CLASP1: variants seen among roughly 807,000 people sequenced by gnomAD.
The protein encoded by CLASP1 is cytoplasmic linker associated protein 1.
Under a neutral mutation model 192.3 loss-of-function variants are expected in CLASP1, and 38 were observed. That is an observed-to-expected ratio of 0.20 (90% CI 0.15 to 0.26). CLASP1 has a LOEUF of 0.26. Ranked by LOEUF, CLASP1 falls within the 10% of genes least tolerant of loss-of-function variation. The pLI is 1.00. For synonymous variants in CLASP1, 691 were observed against 712.8 expected (o/e 0.97, Z 0.49); for missense variants, 1,433 against 1,932.5 (o/e 0.74, Z 4.85).
chr2:121,465,298 A>T (rs1013489703), intron 9 of CLASP1, among the ~76,000 whole-genome samples: 11 of 152,242 alleles, frequency 7.2e-5, no homozygotes, highest in Non-Finnish European at 1.6e-4. Flanking sequence ...AATCTCCTCA[A>T]GCTGATAAGC....
At chr2:121,610,990 G>T (rs1473414517) in intron 1 of CLASP1, among the ~76,000 whole-genome samples, 1 of 148,356 alleles carries the variant, frequency 6.7e-6, no homozygotes. Context: ...AGAGGAACTG[G>T]AGGAGGAGGA....
chr2:121,543,220 T>G (rs2095267636), intron 2 of CLASP1, among the ~76,000 whole-genome samples: 1 of 152,110 alleles, frequency 6.6e-6, no homozygotes, highest in Admixed American at 6.5e-5. Context: ...AAGGGGGCCA[T>G]GGAAACTTGG....
chr2:121,404,780 A>T (rs1247113961), intron 25 of CLASP1, among the ~76,000 whole-genome samples: 1 of 152,246 alleles, frequency 6.6e-6, no homozygotes, highest in Non-Finnish European at 1.5e-5. Flanking sequence ...ACTAAGACTG[A>T]GTGATTTACT....
intron 1 of CLASP1, among the ~76,000 whole-genome samples, chr2:121,640,544 G>A (rs540024840): frequency 3.9e-5 from 6 of 152,224 alleles, no homozygotes; most frequent in African/African-American, 1.2e-4. Context: ...TCTAATCCTC[G>A]TGGAAACCCT....
chr2:121,510,576 G>A (rs936721315), intron 7 of CLASP1, among the ~76,000 whole-genome samples: 4 of 152,032 alleles, frequency 2.6e-5, no homozygotes, highest in Non-Finnish European at 5.9e-5. Context: ...TTTAATTAGT[G>A]ATTCAAAAAA....
chr2:121,357,577 C>T (rs1573724357), intron 37 of CLASP1, among the ~76,000 whole-genome samples: 1 of 152,150 alleles, frequency 6.6e-6, no homozygotes, highest in Non-Finnish European at 1.5e-5. Flanking sequence ...TCTGAAGCTA[C>T]AAGAACTAAA....
chr2:121,534,853 G>A (rs530977489), intron 2 of CLASP1, among the ~76,000 whole-genome samples: 1 of 152,230 alleles, frequency 6.6e-6, no homozygotes, highest in African/African-American at 2.4e-5. Flanking sequence ...TTTTCAAAGA[G>A]AACATCTGAA....
intron 8 of CLASP1, among the ~76,000 whole-genome samples, chr2:121,479,005 A>C (rs867658193): frequency 9.9e-4 from 48 of 48,314 alleles, no homozygotes; most frequent in South Asian, 1.5e-3. Flanking sequence ...CACACACACC[A>C]CACACACACA....
intron 28 of CLASP1, 68 bp downstream of exon 29, chr2:121,401,441 G>A (rs2076144502): frequency 2.3e-6 from 3 of 1,299,160 alleles, no homozygotes; most frequent in Middle Eastern, 3.8e-4. Context: ...GGTAACAAAA[G>A]AGAATGGCAA....
At chr2:121,500,050 T>C (rs2093680771) in intron 8 of CLASP1, among the ~76,000 whole-genome samples, 1 of 152,062 alleles carries the variant, frequency 6.6e-6, no homozygotes, top group Non-Finnish European at 1.5e-5. Flanking sequence ...ACTGTTCCTA[T>C]TTGCAGATGA....
chr2:121,402,012 A>C, intron 26 of CLASP1, 142 bp from the exon 28 acceptor site: 1 of 436,716 alleles, frequency 2.3e-6, no homozygotes, highest in Middle Eastern at 3.5e-4. Context: ...CTCCTCCATC[A>C]ATGTAAGTCT....
chr2:121,348,748 G>A lies in CLASP1; in HGVS notation c.4207-30C>T, dbSNP rs761224687. 14 of 1,541,356 alleles carry A rather than the reference G, an allele frequency of 9.1e-6. No homozygotes were observed. The East Asian group carries it at 2.8e-4, about 30-fold the overall frequency. On this transcript the variant is annotated intron_variant, in intron 37 of 39. Coordinates refer to ENST00000263710, the Ensembl canonical transcript of CLASP1. ...AACACCCAGTTCCCCCAAAGAGTGA[G>A]CTCCACATGCCACATGAAGCGAAAG...
chr2:121,340,521 T>G (rs549585359), exon 40 of CLASP1: 2 of 214,648 alleles, frequency 9.3e-6, no homozygotes, highest in South Asian at 2.6e-4. Context: ...AAATGCTACT[T>G]TCTACCAAGT....
chr2:121,649,116 G>C (rs1348697622), intron 1 of CLASP1, among the ~76,000 whole-genome samples: 2 of 152,160 alleles, frequency 1.3e-5, no homozygotes, highest in Non-Finnish European at 2.9e-5. Context: ...AAGCCCGACT[G>C]ACCCCAGGGC....
At chr2:121,629,396 AT>A (rs1186177242) in intron 1 of CLASP1, among the ~76,000 whole-genome samples, 9 of 152,082 alleles carry the variant, frequency 5.9e-5, no homozygotes, top group African/African-American at 1.7e-4. Flanking sequence ...TCTCAAAAAA[AT>A]ATATAAAAAA....
At chr2:121,643,375 A>G (rs1229796173) in intron 1 of CLASP1, among the ~76,000 whole-genome samples, 1 of 152,232 alleles carries the variant, frequency 6.6e-6, no homozygotes, top group East Asian at 1.9e-4. Flanking sequence ...TGATGTAGCT[A>G]GGAAACAGCA....
At chr2:121,550,953 C>T (rs1169721264) in intron 2 of CLASP1, among the ~76,000 whole-genome samples, 5 of 152,120 alleles carry the variant, frequency 3.3e-5, no homozygotes, top group East Asian at 3.8e-4. Flanking sequence ...TGATGAGCAT[C>T]GATACAAAAA....
At chr2:121,368,358 C>A (rs1407898360) in intron 34 of CLASP1, among the ~76,000 whole-genome samples, 2 of 152,288 alleles carry the variant, frequency 1.3e-5, no homozygotes, top group East Asian at 3.9e-4. Context: ...GAGAACTCAG[C>A]ACCTCCTAGG....
intron 2 of CLASP1, among the ~76,000 whole-genome samples, chr2:121,596,369 G>A (rs1219057854): frequency 6.6e-6 from 1 of 152,196 alleles, no homozygotes; most frequent in African/African-American, 2.4e-5. Flanking sequence ...GTCACTTGGT[G>A]GCAGTAGCGA....
Sources: gnomAD v4.1 joint callset for allele counts (sites outside exome capture counted in the v4.1 genomes callset) on GRCh38, gnomAD v4.1.1 for gene constraint, MANE v1.5 for transcripts, NCBI Gene and HGNC (gene_info 2026-07-23, HGNC 2026-07-21) for gene names.